Variants in DCLRE1C observed in about 807,000 individuals in gnomAD.
DCLRE1C encodes the protein DNA cross-link repair 1C.
Under a neutral mutation model 61.4 loss-of-function variants are expected in DCLRE1C, and 47 were observed. The ratio of observed to expected loss-of-function variants is 0.77; its 90% CI spans 0.61 to 0.98. The LOEUF (loss-of-function observed/expected upper bound fraction) is 0.98, where lower values mean the gene tolerates loss of function less well. Ranked by LOEUF, DCLRE1C falls within the 50% of genes least tolerant of loss-of-function variation. The probability of loss-of-function intolerance (pLI) is 0.00; values close to 1 mark genes in which losing one functional copy is unlikely to be tolerated. For synonymous variants in DCLRE1C, 337 were observed against 287.6 expected, an observed-to-expected ratio of 1.17 and a Z score of -1.74; for missense variants, 858 against 816.0, an observed-to-expected ratio of 1.05 and a Z score of -0.63.
chr10:14,908,730 A>C lies in DCLRE1C; in HGVS notation c.1757T>G (p.Ile586Ser). ...ATTTTGTTCCATGAGAGAGGCAGGA[A>C]TATTCTCTTTGATTGTTGGTCTGTA... ...ADYRPTIKEN[I>S]PASLMEQNVI... Residue 586 changes from isoleucine to serine, a missense_variant, in exon 14 of 14, where the codon ATT becomes AGT. This residue lies in a region of DCLRE1C where 843 missense variants were observed against 783.5 expected (regional missense o/e 1.08). Coordinates refer to ENST00000378278, the MANE Select transcript of DCLRE1C (RefSeq NM_001033855.3). The C allele has an allele frequency of 1.2e-6, 2 of 1,614,206 alleles. No homozygotes were observed. The highest frequency in any genetic ancestry group is 1.7e-6 in the Non-Finnish European group (2 of 1,180,042).
chr10:14,935,012 C>T (rs56898502), intron 6 of DCLRE1C, among the ~76,000 whole-genome samples: 5 of 151,578 alleles, frequency 3.3e-5, no homozygotes, highest in African/African-American at 7.3e-5. Flanking sequence ...TTAGTAGAGA[C>T]GGGGTTTCAC....
At chr10:14,940,022 G>GA (rs1427985786) in intron 3 of DCLRE1C, among the ~76,000 whole-genome samples, 153 bp from the exon 4 acceptor site, 1 of 152,130 alleles carries the variant, frequency 6.6e-6, no homozygotes. Flanking sequence ...TTAACAGTTA[G>GA]AAAAAATTGT....
At chr10:14,920,478 G>C in intron 12 of DCLRE1C, 1 of 982,110 alleles carries the variant, frequency 1.0e-6, no homozygotes, top group South Asian at 4.6e-5. Flanking sequence ...GCCATGAGGT[G>C]CCCAACCTGA....
chr10:14,902,596 T>G, downstream of DCLRE1C: 1 of 815,304 alleles, frequency 1.2e-6, no homozygotes, highest in Non-Finnish European at 1.8e-6. Flanking sequence ...GGGACTCTTA[T>G]TATCAAGGTT....
rs937831907 is a variant in DCLRE1C at position 14,907,848 on chromosome 10, T to A, written c.*560A>T. On this transcript the variant is annotated 3_prime_UTR_variant, in exon 14 of 14. Transcript: ENST00000378278. The stretch of plus-strand genomic sequence containing the variant: ...GATACGTATGGGTTTAGTTCTACCA[T>A]TTTTTTTTCTTTTTTTTTTTTTTTT... 1.1e-4 allele frequency: 14 copies of A among 127,412 alleles called. No homozygotes were observed. Among genetic ancestry groups the A allele is most frequent in the Non-Finnish European group, 2.2e-4 (14 of 63,136 alleles). 7.9% of individuals were successfully genotyped at this position (127,412 alleles called of 1,614,324 possible).
intron 11 of DCLRE1C, chr10:14,923,743 A>T (rs1370643438): frequency 1.3e-5 from 2 of 153,472 alleles, no homozygotes; most frequent in East Asian, 3.8e-4. Flanking sequence ...CAAATGGTTC[A>T]TTCTCATTGG....
chr10:14,922,706 C>T (rs910274714), intron 12 of DCLRE1C, among the ~76,000 whole-genome samples: 7 of 152,120 alleles, frequency 4.6e-5, no homozygotes, highest in African/African-American at 7.2e-5. Context: ...GAATGACTAG[C>T]TCAGAGAAGT....
chr10:14,930,850 T>A (rs1838869874), intron 9 of DCLRE1C, among the ~76,000 whole-genome samples: 1 of 152,152 alleles, frequency 6.6e-6, no homozygotes, highest in Non-Finnish European at 1.5e-5. Flanking sequence ...AAGAAATAAA[T>A]CCCTGAATGC....
chr10:14,935,240 G>A (rs1467358799), intron 6 of DCLRE1C, among the ~76,000 whole-genome samples: 1 of 152,014 alleles, frequency 6.6e-6, no homozygotes, highest in Non-Finnish European at 1.5e-5. Context: ...GCCAAGGGGG[G>A]CAGATCACCT....
intron 3 of DCLRE1C, among the ~76,000 whole-genome samples, chr10:14,944,673 C>CTT (rs1165126470): frequency 1.2e-4 from 14 of 117,724 alleles, no homozygotes; most frequent in African/African-American, 1.6e-4. Flanking sequence ...TTTTTTTTTT[C>CTT]TTTTTTTTTT....
intron 2 of DCLRE1C, among the ~76,000 whole-genome samples, chr10:14,948,029 G>C (rs910918019): frequency 6.6e-6 from 1 of 152,048 alleles, no homozygotes; most frequent in Admixed American, 6.6e-5. Flanking sequence ...CAGCCTGGGC[G>C]ACAGAGCAAC....
Position 14,908,329 on chromosome 10 carries a change from A to G in DCLRE1C, c.*79T>C, listed in dbSNP as rs767651389. The G allele has an allele frequency of 5.2e-5, 60 of 1,164,248 alleles. No homozygotes were observed. The highest frequency in any genetic ancestry group is 1.9e-4 in the Middle Eastern group (1 of 5,178). 72.1% of individuals were successfully genotyped at this position (1,164,248 alleles called of 1,614,324 possible). The stretch of plus-strand genomic sequence containing the variant: ...TTATTTGAACATTTTTAAGTACTGT[A>G]TTTTCTCTATTGTAATATTGACTGT... On this transcript the variant is annotated 3_prime_UTR_variant, in exon 14 of 14. Coordinates refer to ENST00000378278, the MANE Select transcript of DCLRE1C (RefSeq NM_001033855.3).
intron 2 of DCLRE1C, chr10:14,947,520 C>G (rs192935898): frequency 6.6e-6 from 1 of 152,404 alleles, no homozygotes; most frequent in East Asian, 1.9e-4. Context: ...TGCAATCAGA[C>G]AGACCTGGCT....
downstream of DCLRE1C, among the ~76,000 whole-genome samples, chr10:14,901,661 T>G (rs1834027607): frequency 6.6e-6 from 1 of 151,936 alleles, no homozygotes; most frequent in Non-Finnish European, 1.5e-5. Flanking sequence ...TGAAACTCTG[T>G]CTCTACAAAA....
chr10:14,916,298 T>C (rs887814638), intron 13 of DCLRE1C, among the ~76,000 whole-genome samples: 3 of 152,160 alleles, frequency 2.0e-5, no homozygotes, highest in African/African-American at 7.2e-5. Flanking sequence ...AAACTGTCTA[T>C]ATACACAAAC....
intron 3 of DCLRE1C, among the ~76,000 whole-genome samples, chr10:14,943,931 T>C (rs1841277785): frequency 6.6e-6 from 1 of 152,196 alleles, no homozygotes; most frequent in Admixed American, 6.5e-5. Context: ...TATAGTCATA[T>C]ATAATTGGAC....
intron 13 of DCLRE1C, 123 bp downstream of exon 13, chr10:14,919,615 A>G: frequency 1.3e-6 from 1 of 779,886 alleles, no homozygotes; most frequent in Non-Finnish European, 2.3e-6. Flanking sequence ...CCATGTGTCA[A>G]GTCTGACCTG....
At chr10:14,913,331 A>G (rs1175459917) in intron 13 of DCLRE1C, among the ~76,000 whole-genome samples, 1 of 152,258 alleles carries the variant, frequency 6.6e-6, no homozygotes, top group Non-Finnish European at 1.5e-5. Context: ...TGATTGTACA[A>G]TTCTGTTATA....
chr10:14,926,302 C>A (rs1376683072), intron 11 of DCLRE1C, among the ~76,000 whole-genome samples: 1 of 152,138 alleles, frequency 6.6e-6, no homozygotes, highest in African/African-American at 2.4e-5. Context: ...CACAAAAGCA[C>A]TGTAAATATT....
Sources: gnomAD v4.1 joint callset for allele counts (sites outside exome capture counted in the v4.1 genomes callset) on GRCh38, gnomAD v4.1.1 for gene constraint, gnomAD v4.1.1 regional missense constraint, MANE v1.5 for transcripts, NCBI Gene and HGNC (gene_info 2026-07-23, HGNC 2026-07-21) for gene names.